CYP2J2: variants seen among roughly 807,000 people sequenced by gnomAD.
CYP2J2 encodes cytochrome P450 family 2 subfamily J member 2.
A neutral mutation model predicts 48.8 loss-of-function variants in CYP2J2; 41 were observed. The ratio of observed to expected loss-of-function variants is 0.84; its 90% CI spans 0.66 to 1.09. The LOEUF (loss-of-function observed/expected upper bound fraction) is 1.09. CYP2J2 is among the 50% of genes least tolerant of loss of function. The probability of loss-of-function intolerance (pLI) is 0.00; values close to 1 mark genes in which losing one functional copy is unlikely to be tolerated. For synonymous variants in CYP2J2, 221 were observed against 227.1 expected (o/e 0.97, Z 0.24); for missense variants, 644 against 617.3 (o/e 1.04, Z -0.46).
chr1:59,926,294 T>C (rs1226422524), intron 1 of CYP2J2, among the ~76,000 whole-genome samples: 15 of 152,316 alleles, frequency 9.8e-5, no homozygotes, highest in African/African-American at 3.6e-4. Context: ...CCAGTAATGT[T>C]TAACATGACA....
chr1:59,929,910 A>T (rs1644595199), upstream of CYP2J2, among the ~76,000 whole-genome samples: 1 of 152,186 alleles, frequency 6.6e-6, no homozygotes, highest in African/African-American at 2.4e-5. Context: ...GTATCCAAAA[A>T]TTTCAGTGAG....
the CYP2J2 span, among the ~76,000 whole-genome samples, chr1:59,937,808 G>A: frequency 1.3e-5 from 2 of 151,834 alleles, no homozygotes; most frequent in Non-Finnish European, 2.9e-5. Flanking sequence ...CCCCATCTTT[G>A]AGGTCACTAA....
rs756968325 is a variant in CYP2J2 at position 59,911,655 on chromosome 1, TC to T, written c.636del (p.Lys213SerfsTer3). 1.5e-4 allele frequency: 238 copies of T among 1,613,398 alleles called. 1 individual carries two copies. In the Middle Eastern group the frequency reaches 2.8e-3, roughly 19 times the overall value. ...AAGTATGTGACTTCATCTAGTAACT[TC>T]AGCAGCTGCTGAAACCAACTATCCT... ...EYQDSWFQQLLKLLDEVTYLE... is the reference protein window; with the variant it reads ...EYQDSWFQQLXKLLDEVTYLE... On this transcript the variant is annotated frameshift_variant, in exon 4 of 9. Coordinates refer to ENST00000371204, the MANE Select transcript of CYP2J2 (RefSeq NM_000775.4). LOFTEE classifies it high-confidence loss of function.
intron 5 of CYP2J2, 73 bp downstream of exon 5, chr1:59,909,711 G>T: frequency 1.8e-6 from 2 of 1,098,214 alleles, no homozygotes; most frequent in East Asian, 2.6e-5. Flanking sequence ...ATATTTTACA[G>T]CAGCAGTTGG....
In CYP2J2 at chr1:59,909,944, G is replaced by A; in HGVS notation, c.701C>T (p.Pro234Leu). 1 of 1,606,928 alleles carries A rather than the reference G, an allele frequency of 6.2e-7. No homozygotes were observed. Among genetic ancestry groups the A allele is most frequent in the Admixed American group, 1.7e-5 (1 of 58,362 alleles). The change falls in exon 5 of 9, where the codon CCA (proline) becomes CTA (leucine). Residue 234 changes from proline (P) to leucine (L), a missense_variant. Coordinates refer to ENST00000371204, the MANE Select transcript of CYP2J2 (RefSeq NM_000775.4). ...SKTCQLYNVF[P>L]WIMKFLPGPH... is the part of the protein sequence containing the mutation. ...TCCAGGCAGGAATTTCATTATCCAT[G>A]GAAAGACATTGTAGAGCTAATTGAG...
the CYP2J2 span, among the ~76,000 whole-genome samples, chr1:59,941,564 G>A: frequency 1.1e-4 from 17 of 152,006 alleles, no homozygotes; most frequent in Admixed American, 1.1e-3. Flanking sequence ...ATAGTCCCAG[G>A]CAGGTCTTTC....
At chr1:59,938,044 A>G in the CYP2J2 span, among the ~76,000 whole-genome samples, 1 of 152,262 alleles carries the variant, frequency 6.6e-6, no homozygotes, top group South Asian at 2.1e-4. Context: ...AAAATGTCAC[A>G]TATCTTCATT....
chr1:59,939,261 G>C, the CYP2J2 span, among the ~76,000 whole-genome samples: 2 of 152,174 alleles, frequency 1.3e-5, no homozygotes, highest in African/African-American at 4.8e-5. Flanking sequence ...AAAAAACTTA[G>C]ATGTTGTAAT....
the CYP2J2 span, among the ~76,000 whole-genome samples, chr1:59,964,153 G>A: frequency 9.2e-5 from 14 of 152,270 alleles, no homozygotes; most frequent in African/African-American, 3.4e-4. Context: ...ATTTAAACTG[G>A]TTCAAGTAAA....
Position 59,926,729 on chromosome 1 carries a change from G to A in CYP2J2, c.18C>T (p.Gly6=), listed in dbSNP as rs777158652. Residue 6 remains glycine, a synonymous_variant, in exon 1 of 9, where the codon GGC becomes GGT. Coordinates refer to ENST00000371204, the MANE Select transcript of CYP2J2 (RefSeq NM_000775.4). The stretch of plus-strand genomic sequence containing the variant: ...CTGCCCAGAGGGCAGCCGCCAGAGA[G>A]CCCATCGCCGCGAGCATGGCTCAGA... MLAAM[G]SLAAALWAVV... 5 of 1,613,472 alleles carry A rather than the reference G, an allele frequency of 3.1e-6. No individual in the cohort carries two copies. In the South Asian group the frequency reaches 5.5e-5, roughly 18 times the overall value.
chr1:59,935,115 C>T, the CYP2J2 span, among the ~76,000 whole-genome samples: 6 of 142,446 alleles, frequency 4.2e-5, no homozygotes, highest in Non-Finnish European at 9.1e-5. Context: ...ACAACATGGA[C>T]GAATGTGGAG....
chr1:59,916,945 T>G (rs1418604741), intron 1 of CYP2J2, among the ~76,000 whole-genome samples: 1 of 152,046 alleles, frequency 6.6e-6, no homozygotes, highest in African/African-American at 2.4e-5. Context: ...GAATGCCCCC[T>G]TCCTAGACTG....
upstream of CYP2J2, chr1:59,926,905 C>A: frequency 3.0e-6 from 2 of 660,066 alleles, no homozygotes; most frequent in East Asian, 2.7e-5. Context: ...CGGGAGGACA[C>A]GCACCGGTCT....
At chr1:59,964,841 G>A in the CYP2J2 span, among the ~76,000 whole-genome samples, 1 of 152,158 alleles carries the variant, frequency 6.6e-6, no homozygotes, top group African/African-American at 2.4e-5. Flanking sequence ...ACATGATCTG[G>A]CTTAGCTTTT....
chr1:59,902,320 C>A (rs1277081733), intron 7 of CYP2J2, among the ~76,000 whole-genome samples: 1 of 152,064 alleles, frequency 6.6e-6, no homozygotes, highest in Non-Finnish European at 1.5e-5. Flanking sequence ...TTTTGCCAGA[C>A]CTGAGCATTT....
At chr1:59,938,756 G>T in the CYP2J2 span, among the ~76,000 whole-genome samples, 1 of 152,310 alleles carries the variant, frequency 6.6e-6, no homozygotes, top group African/African-American at 2.4e-5. Context: ...CTGGGGGACG[G>T]TCAGGTCTTG....
intron 4 of CYP2J2, 78 bp downstream of exon 4, chr1:59,911,530 A>C: frequency 1.8e-6 from 2 of 1,097,670 alleles, no homozygotes; most frequent in Non-Finnish European, 2.5e-6. Flanking sequence ...CCCAAAAAAA[A>C]CTAAAAGGAA....
intron 8 of CYP2J2, among the ~76,000 whole-genome samples, chr1:59,896,339 T>C (rs1472250606): frequency 6.6e-6 from 1 of 151,604 alleles, no homozygotes; most frequent in Admixed American, 6.6e-5. Flanking sequence ...TATATATATA[T>C]ATATACACCA....
chr1:59,926,054 G>C (rs566773494), intron 1 of CYP2J2, among the ~76,000 whole-genome samples: 4 of 152,142 alleles, frequency 2.6e-5, no homozygotes, highest in South Asian at 2.1e-4. Flanking sequence ...AGCAGAGGAA[G>C]AACATTTTAA....
Sources: allele counts gnomAD v4.1 joint callset (sites outside exome capture counted in the v4.1 genomes callset), GRCh38; gene constraint gnomAD v4.1.1; transcripts MANE v1.5; gene names NCBI Gene and HGNC (gene_info 2026-07-23, HGNC 2026-07-21).